Variants in STPG2 observed in about 807,000 individuals in gnomAD.
STPG2 encodes the protein sperm tail PG-rich repeat containing 2, also known as sperm-tail PG-rich repeat-containing protein 2.
STPG2 carries 56 observed loss-of-function variants against 54.2 expected under a neutral mutation model. The ratio of observed to expected loss-of-function variants is 1.03; its 90% CI spans 0.83 to 1.29. STPG2 has a LOEUF of 1.29. STPG2 is among the 50% of genes most tolerant of loss of function. The pLI is 0.00. For synonymous variants in STPG2, 200 were observed against 181.8 expected (o/e 1.10, Z -0.81); for missense variants, 596 against 544.9 (o/e 1.09, Z -0.93).
At chr4:98,010,328 C>T (rs980692504) in intron 5 of STPG2, among the ~76,000 whole-genome samples, 2 of 152,030 alleles carry the variant, frequency 1.3e-5, no homozygotes, top group Non-Finnish European at 2.9e-5. Flanking sequence ...GTTTTAATTG[C>T]CTTCTTAATT....
At chr4:98,093,776 TTGAAC>T (rs1274180320) in intron 5 of STPG2, among the ~76,000 whole-genome samples, 1 of 152,132 alleles carries the variant, frequency 6.6e-6, no homozygotes, top group Non-Finnish European at 1.5e-5. Context: ...GGACTTTACA[TTGAAC>T]TTGGTGCTGC....
rs1355605360 is a variant in STPG2, at chr4:97,513,212, G to A, written c.462+199487C>T. ...CAGAGGGAAGAACTGCACAGGGCAA[G>A]GTAAAGAAGGGGAGAAGGGGCAGAC... On this transcript the variant is annotated intron_variant, in intron 4 of 4. Transcript: ENST00000522676. Among the ~76,000 whole-genome samples the A allele has an allele frequency of 2.6e-5, 4 of 152,068 alleles. No homozygotes were observed. In the South Asian group the frequency reaches 6.2e-4, roughly 24 times the overall value.
rs72881484 is a variant in STPG2 at position 97,867,240 on chromosome 4, C to T, written c.1045-26308G>A. ...TGGCTGCTTTTTTATAGATAATCTCCTTTTCCTTTGGTATTTTGCTGTCTC... is the reference window on the plus strand; with the variant it reads ...TGGCTGCTTTTTTATAGATAATCTCTTTTTCCTTTGGTATTTTGCTGTCTC... On this transcript the variant is annotated intron_variant, in intron 8 of 10. Coordinates refer to ENST00000295268, the MANE Select transcript of STPG2 (RefSeq NM_174952.3). Among the ~76,000 whole-genome samples, 384 of 151,906 alleles carry T rather than the reference C, an allele frequency of 2.5e-3. 2 individuals are homozygous for T. The highest frequency in any genetic ancestry group is 9.0e-3 in the African/African-American group (374 of 41,448).
intron 8 of STPG2, chr4:97,916,449 T>C (rs1176449943): frequency 1.3e-5 from 2 of 152,588 alleles, no homozygotes; most frequent in African/African-American, 4.8e-5. Flanking sequence ...TTCCAACATA[T>C]GGTTGGATGC....
At chr4:97,842,027 G>C (rs1728815929) in intron 8 of STPG2, among the ~76,000 whole-genome samples, 1 of 151,752 alleles carries the variant, frequency 6.6e-6, no homozygotes, top group African/African-American at 2.4e-5. Flanking sequence ...AACAAATTTG[G>C]ATGCTGAGAA....
chr4:97,839,953 T>G (rs1054341664), intron 9 of STPG2, among the ~76,000 whole-genome samples: 5 of 151,658 alleles, frequency 3.3e-5, no homozygotes, highest in African/African-American at 4.8e-5. Flanking sequence ...TGTAATTTAT[T>G]GTTGAAAATG....
intron 10 of STPG2, among the ~76,000 whole-genome samples, chr4:97,616,249 G>A (rs1372579587): frequency 6.6e-6 from 1 of 150,518 alleles, no homozygotes; most frequent in Non-Finnish European, 1.5e-5. Context: ...TTTTGTTTTT[G>A]GAAATATTCC....
At chr4:97,801,945 T>C (rs1727414176) in intron 9 of STPG2, among the ~76,000 whole-genome samples, 1 of 152,180 alleles carries the variant, frequency 6.6e-6, no homozygotes, top group Non-Finnish European at 1.5e-5. Context: ...GACTAAGCTT[T>C]AGTTCAGTGT....
At chr4:97,753,128 G>A (rs548750828) in intron 9 of STPG2, among the ~76,000 whole-genome samples, 10 of 151,874 alleles carry the variant, frequency 6.6e-5, no homozygotes, top group Non-Finnish European at 1.2e-4. Flanking sequence ...CAATTCAAGG[G>A]CATCAAATTC....
chr4:97,846,481 C>G (rs1344300844), intron 8 of STPG2, among the ~76,000 whole-genome samples: 1 of 151,744 alleles, frequency 6.6e-6, no homozygotes, highest in African/African-American at 2.4e-5. Flanking sequence ...AAAAATTAGC[C>G]AGGCGTGGTG....
chr4:98,031,438 G>A (rs959263263), intron 5 of STPG2, among the ~76,000 whole-genome samples: 11 of 152,258 alleles, frequency 7.2e-5, no homozygotes, highest in African/African-American at 2.6e-4. Flanking sequence ...CAGCACTTTG[G>A]GAGGCTGAGA....
intron 7 of STPG2, among the ~76,000 whole-genome samples, chr4:97,945,274 T>C (rs1299498466): frequency 6.6e-6 from 1 of 151,962 alleles, no homozygotes; most frequent in Non-Finnish European, 1.5e-5. Flanking sequence ...TGCGTACCCA[T>C]GGCTTAGCTC....
chr4:97,621,119 C>G (rs547677787), intron 10 of STPG2, among the ~76,000 whole-genome samples: 1 of 152,210 alleles, frequency 6.6e-6, no homozygotes, highest in Non-Finnish European at 1.5e-5. Flanking sequence ...ATACCAGAAT[C>G]TCTGGGACAC....
intron 5 of STPG2, among the ~76,000 whole-genome samples, chr4:98,024,535 T>C (rs1234743912): frequency 6.6e-6 from 1 of 152,224 alleles, no homozygotes; most frequent in East Asian, 1.9e-4. Flanking sequence ...TAACCAAATG[T>C]TGCCAAAGTC....
rs147599849 is a variant in STPG2 at position 97,584,441 on chromosome 4, A to C, written c.1321-25324T>G. Among the ~76,000 whole-genome samples, 238 of 152,196 alleles carry C rather than the reference A, an allele frequency of 1.6e-3. 5 individuals carry two copies. The highest frequency in any genetic ancestry group is 0.013 in the Admixed American group (201 of 15,256). ...TACATCAAAAAGTCTGAGAGAGCAG[A>C]AACAGACAATCTAAGGTCACACCTC... is the stretch of plus-strand genomic sequence containing the variant. On this transcript the variant is annotated intron_variant, in intron 10 of 10. Coordinates refer to ENST00000295268, the MANE Select transcript of STPG2 (RefSeq NM_174952.3).
intron 4 of STPG2, among the ~76,000 whole-genome samples, chr4:97,505,918 G>A (rs563196370): frequency 2.3e-4 from 34 of 145,326 alleles, no homozygotes; most frequent in African/African-American, 6.4e-4. Flanking sequence ...TTTTCATTTC[G>A]AAGAGGTTTT....
intron 5 of STPG2, among the ~76,000 whole-genome samples, chr4:97,987,701 T>C (rs992763732): frequency 1.3e-5 from 2 of 152,182 alleles, no homozygotes; most frequent in Admixed American, 6.5e-5. Context: ...AATTGAATAA[T>C]TGGCTTATAA....
At chr4:97,988,484 G>C (rs1208800102) in intron 5 of STPG2, among the ~76,000 whole-genome samples, 3 of 152,164 alleles carry the variant, frequency 2.0e-5, no homozygotes, top group Non-Finnish European at 4.4e-5. Flanking sequence ...GTTAATATTT[G>C]CAAGAAGAAT....
At chr4:97,476,680 C>G (rs1166358710) in intron 4 of STPG2, among the ~76,000 whole-genome samples, 4 of 152,084 alleles carry the variant, frequency 2.6e-5, no homozygotes, top group Admixed American at 6.6e-5. Context: ...TTTTAATGTG[C>G]TATCAAATTA....
Sources: gnomAD v4.1 joint callset for allele counts (sites outside exome capture counted in the v4.1 genomes callset) on GRCh38, gnomAD v4.1.1 for gene constraint, MANE v1.5 for transcripts, NCBI Gene and HGNC (gene_info 2026-07-23, HGNC 2026-07-21) for gene names.